Variants in FAM81A observed in about 807,000 individuals in gnomAD.
The protein encoded by FAM81A is family with sequence similarity 81 member A, also known as protein FAM81A.
A neutral mutation model predicts 46.7 loss-of-function variants in FAM81A; 19 were observed. That is an observed-to-expected ratio of 0.41 (90% confidence interval 0.28 to 0.60). The LOEUF is 0.60. Ranked by LOEUF, FAM81A falls within the 20% of genes least tolerant of loss-of-function variation. FAM81A has a pLI of 0.34. For missense variants in FAM81A, 377 were observed against 453.5 expected (o/e 0.83, Z 1.53); for synonymous variants, 183 against 152.9 (o/e 1.20, Z -1.45).
chr15:59,403,831 G>A lies in FAM81A; in HGVS notation c.-78+1473G>A, dbSNP rs145128991. 2.0e-5 allele frequency among the ~76,000 whole-genome samples: 3 copies of A among 150,728 alleles called. 1 individual carries two copies. Among genetic ancestry groups the A allele is most frequent in the Non-Finnish European group, 4.4e-5 (3 of 67,736 alleles). On this transcript the variant is annotated intron_variant, in intron 2 of 4. Transcript: ENST00000558348. ...ATCTTAATAAACATTTTTTTTCAGTGTTTTCAAGACTCAATATCAGAGAAT... is the reference window on the plus strand; with the variant it reads ...ATCTTAATAAACATTTTTTTTCAGTATTTTCAAGACTCAATATCAGAGAAT...
At chr15:59,516,034 G>A (rs934081083) in intron 7 of FAM81A, among the ~76,000 whole-genome samples, 73 of 152,116 alleles carry the variant, frequency 4.8e-4, no homozygotes, top group African/African-American at 1.6e-3. Context: ...AGGGAAGGAC[G>A]AAGGAAGAAG....
chr15:59,483,810 G>C (rs1012901552), intron 3 of FAM81A, among the ~76,000 whole-genome samples: 17 of 152,180 alleles, frequency 1.1e-4, no homozygotes, highest in African/African-American at 4.1e-4. Context: ...GAGCCAGCAG[G>C]ATCCCATGGT....
chr15:59,487,219 G>GTATATTATATA (rs1263750506), intron 3 of FAM81A, among the ~76,000 whole-genome samples: 1 of 145,538 alleles, frequency 6.9e-6, no homozygotes, highest in Non-Finnish European at 1.5e-5. Context: ...TATCTTATAT[G>GTATATTATATA]TATATTATAT....
intron 2 of FAM81A, 78 bp from the exon 3 acceptor site, chr15:59,459,855 A>G: frequency 4.1e-6 from 6 of 1,459,724 alleles, no homozygotes; most frequent in Non-Finnish European, 5.4e-6. Context: ...GTATTTCCAG[A>G]CTTCTCTGGG....
intron 2 of FAM81A, among the ~76,000 whole-genome samples, chr15:59,403,900 T>C (rs79752327): frequency 1.3e-5 from 2 of 151,326 alleles, no homozygotes; most frequent in Non-Finnish European, 2.9e-5. Context: ...TTTTTTTTTT[T>C]TGAGACAGAG....
intron 1 of FAM81A, among the ~76,000 whole-genome samples, chr15:59,454,012 A>G (rs1197123313): frequency 1.3e-5 from 2 of 152,044 alleles, no homozygotes; most frequent in Non-Finnish European, 1.5e-5. Flanking sequence ...ACAACTTCCT[A>G]TCACTCCTCA....
chr15:59,398,834 A>C (rs1358255961), intron 1 of FAM81A, among the ~76,000 whole-genome samples: 2 of 148,854 alleles, frequency 1.3e-5, no homozygotes, highest in African/African-American at 4.9e-5. Context: ...CACCATCCCT[A>C]GGGTGTGGTC....
At chr15:59,405,730 C>G (rs1335455255) in intron 2 of FAM81A, among the ~76,000 whole-genome samples, 3 of 152,204 alleles carry the variant, frequency 2.0e-5, no homozygotes, top group Admixed American at 6.5e-5. Flanking sequence ...ACTCCACACA[C>G]AAGGAGAGAA....
chr15:59,502,782 A>C (rs979183525), intron 4 of FAM81A, among the ~76,000 whole-genome samples: 6 of 151,712 alleles, frequency 4.0e-5, no homozygotes, highest in African/African-American at 1.5e-4. Context: ...TCGCCTTCCA[A>C]AGTGCTGGGA....
intron 2 of FAM81A, among the ~76,000 whole-genome samples, chr15:59,422,555 C>T (rs1410707320): frequency 3.9e-5 from 6 of 152,120 alleles, no homozygotes; most frequent in Non-Finnish European, 7.3e-5. Flanking sequence ...CAGCTCACTG[C>T]AACCTCCGCC....
intron 3 of FAM81A, among the ~76,000 whole-genome samples, chr15:59,473,726 T>C (rs1251482943): frequency 6.6e-6 from 1 of 152,238 alleles, no homozygotes; most frequent in Non-Finnish European, 1.5e-5. Context: ...AATCCTGGTC[T>C]TAATTTTTTC....
At chr15:59,511,754 G>A (rs1454179941) in intron 6 of FAM81A, among the ~76,000 whole-genome samples, 3 of 152,098 alleles carry the variant, frequency 2.0e-5, no homozygotes, top group African/African-American at 4.8e-5. Flanking sequence ...CGGGTTCAGC[G>A]ATTCTCCTGC....
At chr15:59,482,089 A>G (rs1450572963) in intron 3 of FAM81A, among the ~76,000 whole-genome samples, 1 of 152,072 alleles carries the variant, frequency 6.6e-6, no homozygotes, top group Non-Finnish European at 1.5e-5. Context: ...GTATGCTATA[A>G]TAGTATGATT....
intron 3 of FAM81A, among the ~76,000 whole-genome samples, chr15:59,461,162 C>T (rs1383741062): frequency 6.6e-6 from 1 of 152,172 alleles, no homozygotes; most frequent in Non-Finnish European, 1.5e-5. Context: ...TGTTTGCAGT[C>T]AATTCCTACT....
rs1567078279 is a variant in FAM81A, at chr15:59,514,278, T to C, written c.651-11T>C. On this transcript the variant is annotated splice_polypyrimidine_tract_variant and intron_variant, in intron 6 of 8. Coordinates refer to ENST00000288228, the MANE Select transcript of FAM81A (RefSeq NM_152450.3). ...CTGTTTTACATCTAACTTGCAATTT[T>C]TTTTTTTTAGATTTAAAGGTACAGT... The C allele has an allele frequency of 6.4e-7, 1 of 1,560,822 alleles. No homozygotes were observed. The highest frequency in any genetic ancestry group is 8.6e-7 in the Non-Finnish European group (1 of 1,161,060).
chr15:59,479,159 A>G (rs953043786), intron 3 of FAM81A, among the ~76,000 whole-genome samples: 2 of 152,200 alleles, frequency 1.3e-5, no homozygotes, highest in Non-Finnish European at 2.9e-5. Flanking sequence ...AGGTGATGTT[A>G]GCTGATGTCA....
intron 3 of FAM81A, among the ~76,000 whole-genome samples, chr15:59,468,121 T>C (rs1437195604): frequency 6.6e-6 from 1 of 152,212 alleles, no homozygotes. Flanking sequence ...CAGTATTTTA[T>C]TGAGGATTTT....
At chr15:59,428,064 G>A (rs555541033) in intron 2 of FAM81A, among the ~76,000 whole-genome samples, 10 of 152,244 alleles carry the variant, frequency 6.6e-5, no homozygotes, top group South Asian at 4.2e-4. Flanking sequence ...CTTTGCCAGC[G>A]TTTGTTATTG....
intron 1 of FAM81A, among the ~76,000 whole-genome samples, chr15:59,452,242 G>A (rs1432100069): frequency 6.6e-6 from 1 of 152,220 alleles, no homozygotes; most frequent in Admixed American, 6.5e-5. Context: ...ATACCAAAAA[G>A]CTGAACTGAT....
Sources: gnomAD v4.1 joint callset for allele counts (sites outside exome capture counted in the v4.1 genomes callset) on GRCh38, gnomAD v4.1.1 for gene constraint, MANE v1.5 for transcripts, NCBI Gene and HGNC (gene_info 2026-07-23, HGNC 2026-07-21) for gene names.